Variants in GPD1L observed in about 807,000 individuals in gnomAD.
GPD1L encodes the protein glycerol-3-phosphate dehydrogenase 1-like protein.
A neutral mutation model predicts 32.9 loss-of-function variants in GPD1L; 17 were observed. The observed-to-expected ratio is 0.52, with a 90% CI of 0.35 to 0.78. GPD1L has a LOEUF of 0.78. Ranked by LOEUF, GPD1L falls within the 30% of genes least tolerant of loss-of-function variation. The pLI, the probability that GPD1L is intolerant of heterozygous loss-of-function variation, is 0.01. For missense variants in GPD1L, 361 were observed against 447.8 expected (o/e 0.81, Z 1.75); for synonymous variants, 187 against 165.9 (o/e 1.13, Z -0.98).
chr3:32,153,883 T>C (rs1700953790), intron 5 of GPD1L, among the ~76,000 whole-genome samples: 1 of 151,738 alleles, frequency 6.6e-6, no homozygotes, highest in South Asian at 2.1e-4. Context: ...CACTCAAGAG[T>C]GGATGATTGC....
At chr3:32,149,513 A>G (rs1275587501) in intron 5 of GPD1L, among the ~76,000 whole-genome samples, 1 of 152,236 alleles carries the variant, frequency 6.6e-6, no homozygotes, top group East Asian at 1.9e-4. Flanking sequence ...ACAAGGATAA[A>G]ATAGAAAATT....
chr3:32,140,379 T>C lies in GPD1L; in HGVS notation c.505+13T>C. 1 of 1,614,024 alleles carries C rather than the reference T, an allele frequency of 6.2e-7. No homozygotes were observed. Among genetic ancestry groups the C allele is most frequent in the Non-Finnish European group, 8.5e-7 (1 of 1,179,904 alleles). ...GAGACCACCATCGGTAAGCACTGCC[T>C]GGGAGGGACCCCAGGAGTCTGGACA... On this transcript the variant is annotated intron_variant, in intron 4 of 7. Coordinates refer to ENST00000282541, the MANE Select transcript of GPD1L (RefSeq NM_015141.4).
intron 5 of GPD1L, chr3:32,151,189 TC>T: frequency 1.7e-6 from 1 of 592,878 alleles, no homozygotes; most frequent in South Asian, 1.5e-5. Flanking sequence ...TTCAGTCTAA[TC>T]CAGGTACCTT....
At chr3:32,127,488 T>C (rs1700526903) in intron 1 of GPD1L, among the ~76,000 whole-genome samples, 2 of 152,186 alleles carry the variant, frequency 1.3e-5, no homozygotes, top group African/African-American at 2.4e-5. Context: ...TAGGAAAGCC[T>C]GTGGGAGACT....
chr3:32,128,805 G>A (rs1700548477), intron 2 of GPD1L, among the ~76,000 whole-genome samples: 2 of 152,162 alleles, frequency 1.3e-5, no homozygotes, highest in Admixed American at 1.3e-4. Flanking sequence ...CTTGCCTTAG[G>A]CTGCTCCTGC....
intron 1 of GPD1L, among the ~76,000 whole-genome samples, chr3:32,115,450 T>C (rs750684196): frequency 3.3e-5 from 5 of 152,210 alleles, no homozygotes; most frequent in Admixed American, 1.3e-4. Context: ...TGGCTTCACC[T>C]CTCATTATCA....
At chr3:32,113,058 C>T (rs554853531) in intron 1 of GPD1L, among the ~76,000 whole-genome samples, 1 of 152,170 alleles carries the variant, frequency 6.6e-6, no homozygotes, top group Non-Finnish European at 1.5e-5. Context: ...GTTGAGTATC[C>T]TCCCAACAAA....
At position 32,167,054 on chromosome 3, in the gene GPD1L, G is replaced by C. The variant is rs914195152; in HGVS notation, c.*1144G>C. 6 of 152,214 alleles carry C rather than the reference G, an allele frequency of 3.9e-5. No homozygotes were observed. Among genetic ancestry groups the C allele is most frequent in the Non-Finnish European group, 7.3e-5 (5 of 68,044 alleles). The allele number at this position is 152,214 out of a possible 1,614,324, so 9.4% of individuals were successfully genotyped here. Reference sequence around the variant, plus strand: ...CCAGGTCCCACCCTGGACTTCTGAAGGGGTGTGGCATCTGTGTTTCTGATG... The same window carrying C: ...CCAGGTCCCACCCTGGACTTCTGAACGGGTGTGGCATCTGTGTTTCTGATG... On this transcript the variant is annotated 3_prime_UTR_variant, in exon 8 of 8. Transcript: ENST00000282541.
At position 32,165,798 on chromosome 3, in the gene GPD1L, A is replaced by G. The variant is rs748485984; in HGVS notation, c.960-16A>G. On this transcript the variant is annotated splice_polypyrimidine_tract_variant and intron_variant, in intron 7 of 7. Coordinates refer to ENST00000282541, the MANE Select transcript of GPD1L (RefSeq NM_015141.4). The stretch of plus-strand genomic sequence containing the variant: ...CAGTGGCCTAACTTTGTCTTTTCAC[A>G]TTTCCTCCCAACTAGGTTTCCATTG... The G allele has an allele frequency of 1.4e-6, 2 of 1,451,314 alleles. No homozygotes were observed. The highest frequency in any genetic ancestry group is 1.9e-6 in the Non-Finnish European group (2 of 1,031,886). 89.9% of individuals were successfully genotyped at this position (1,451,314 alleles called of 1,614,324 possible). A position where few individuals can be genotyped will look rare whatever the true frequency, so the allele number is the denominator to read the frequency against.
At chr3:32,152,936 G>C (rs1003876966) in intron 5 of GPD1L, among the ~76,000 whole-genome samples, 4 of 152,160 alleles carry the variant, frequency 2.6e-5, no homozygotes, top group African/African-American at 9.7e-5. Flanking sequence ...CTTCATCTCA[G>C]TGGGTACACT....
At chr3:32,154,205 T>C (rs1475633193) in intron 5 of GPD1L, among the ~76,000 whole-genome samples, 3 of 152,138 alleles carry the variant, frequency 2.0e-5, no homozygotes, top group Non-Finnish European at 4.4e-5. Flanking sequence ...GAGAGGAGTT[T>C]ACCCTGCACT....
Position 32,156,092 on chromosome 3 carries a change from C to A in GPD1L, c.619-2784C>A, listed in dbSNP as rs115540612. Among the ~76,000 whole-genome samples the A allele has an allele frequency of 9.1e-3, 1,384 of 152,240 alleles. 28 individuals are homozygous for A. The highest frequency in any genetic ancestry group is 0.031 in the African/African-American group (1,304 of 41,516). ...CAACTCACCCCTTCTAGAAGCAGAGCTGCAGAACTAGATCGCACCCGACCC... is the reference window on the plus strand; with the variant it reads ...CAACTCACCCCTTCTAGAAGCAGAGATGCAGAACTAGATCGCACCCGACCC... On this transcript the variant is annotated intron_variant, in intron 5 of 7. Transcript: ENST00000282541.
In GPD1L at chr3:32,145,668, A is replaced by C. The variant is rs914447096; in HGVS notation, c.506-954A>C. Among the ~76,000 whole-genome samples the C allele has an allele frequency of 5.9e-5, 9 of 152,176 alleles. 1 individual carries two copies. In the East Asian group the frequency reaches 1.7e-3, roughly 29 times the overall value. On this transcript the variant is annotated intron_variant, in intron 4 of 7. Coordinates refer to ENST00000282541, the MANE Select transcript of GPD1L (RefSeq NM_015141.4). ...GGAGACACGATGAGGCTGTAATATG[A>C]TGTAGGGGCCAGGGGCTGGTTTACC...
At chr3:32,155,981 C>T (rs1700983161) in intron 5 of GPD1L, among the ~76,000 whole-genome samples, 1 of 152,026 alleles carries the variant, frequency 6.6e-6, no homozygotes, top group South Asian at 2.1e-4. Context: ...CTAGGTGGGC[C>T]CAGCCCCAGG....
chr3:32,120,743 A>C (rs1173469047), intron 1 of GPD1L, among the ~76,000 whole-genome samples: 1 of 152,256 alleles, frequency 6.6e-6, no homozygotes, highest in Non-Finnish European at 1.5e-5. Context: ...TACATAACCC[A>C]GTCTCCAAGC....
intron 4 of GPD1L, among the ~76,000 whole-genome samples, chr3:32,142,923 T>C (rs1700768506): frequency 1.3e-5 from 2 of 152,200 alleles, no homozygotes; most frequent in African/African-American, 4.8e-5. Flanking sequence ...CATTTCTGGG[T>C]GGAGTAGCTC....
chr3:32,131,198 G>C (rs571790346), intron 2 of GPD1L, among the ~76,000 whole-genome samples: 1 of 152,064 alleles, frequency 6.6e-6, no homozygotes, highest in African/African-American at 2.4e-5. Context: ...TTAGATTCCA[G>C]CACCCCCATG....
At position 32,166,320 on chromosome 3, in the gene GPD1L, A is replaced by G. The variant is rs1352745819; in HGVS notation, c.*410A>G. The G allele has an allele frequency of 1.0e-5, 3 of 293,688 alleles. No individual in the cohort carries two copies. Among genetic ancestry groups the G allele is most frequent in the South Asian group, 3.3e-5 (1 of 30,620 alleles). 18.2% of individuals were successfully genotyped at this position (293,688 alleles called of 1,614,324 possible). On this transcript the variant is annotated 3_prime_UTR_variant, in exon 8 of 8. Transcript: ENST00000282541. Reference sequence around the variant, plus strand: ...TTTCTAGTGTTAAATTTTAACCAGCATTAACATGGTAGAGTGGAGGAGTGA... The same window carrying G: ...TTTCTAGTGTTAAATTTTAACCAGCGTTAACATGGTAGAGTGGAGGAGTGA...
chr3:32,151,411 A>C, intron 5 of GPD1L: 1 of 649,164 alleles, frequency 1.5e-6, no homozygotes, highest in Non-Finnish European at 2.8e-6. Flanking sequence ...TTCCTTTTTG[A>C]ACAGTGACCA....
Sources: gnomAD v4.1 joint callset for allele counts (sites outside exome capture counted in the v4.1 genomes callset) on GRCh38, gnomAD v4.1.1 for gene constraint, MANE v1.5 for transcripts, NCBI Gene and HGNC (gene_info 2026-07-23, HGNC 2026-07-21) for gene names.